KMT5B: variants seen among roughly 807,000 people sequenced by gnomAD.
KMT5B encodes histone-lysine N-methyltransferase KMT5B.
KMT5B carries 10 observed loss-of-function variants against 83.2 expected under a neutral mutation model. That is an observed-to-expected ratio of 0.12 (90% CI 0.07 to 0.20). KMT5B has a LOEUF of 0.20. Among genes scored for constraint, KMT5B ranks in the 10% least tolerant of loss-of-function variants. The pLI is 1.00. For missense variants in KMT5B, 753 were observed against 1,067.2 expected, an observed-to-expected ratio of 0.71 and a Z score of 4.10; for synonymous variants, 349 against 388.8, an observed-to-expected ratio of 0.90 and a Z score of 1.20.
intron 9 of KMT5B, among the ~76,000 whole-genome samples, chr11:68,167,600 G>T (rs1590943289): frequency 6.6e-6 from 1 of 151,980 alleles, no homozygotes; most frequent in East Asian, 1.9e-4. Context: ...GACCATAAGC[G>T]TGTAGCACCA....
At chr11:68,194,255 G>C (rs184481191) in intron 1 of KMT5B, among the ~76,000 whole-genome samples, 3 of 145,370 alleles carry the variant, frequency 2.1e-5, no homozygotes, top group Non-Finnish European at 4.5e-5. Flanking sequence ...CAGTGTCCAC[G>C]ATCTTGGCTC....
chr11:68,182,883 T>C (rs555966360), intron 3 of KMT5B, among the ~76,000 whole-genome samples: 2 of 151,950 alleles, frequency 1.3e-5, no homozygotes, highest in East Asian at 3.9e-4. Context: ...AGTACAGGCA[T>C]GTGCCACCAC....
chr11:68,193,845 G>A (rs1181217516), intron 1 of KMT5B, among the ~76,000 whole-genome samples: 1 of 151,218 alleles, frequency 6.6e-6, no homozygotes, highest in Non-Finnish European at 1.5e-5. Context: ...CTGTCACCCA[G>A]GTTGGAGTGC....
intron 1 of KMT5B, among the ~76,000 whole-genome samples, chr11:68,211,214 C>T (rs1860848320): frequency 6.6e-6 from 1 of 152,216 alleles, no homozygotes; most frequent in Non-Finnish European, 1.5e-5. Flanking sequence ...TTCCTTCACA[C>T]GCGTCTCTCC....
chr11:68,201,973 C>CA, intron 1 of KMT5B, among the ~76,000 whole-genome samples: 1 of 151,510 alleles, frequency 6.6e-6, no homozygotes, highest in Non-Finnish European at 1.5e-5. Flanking sequence ...CTTGTAGTCC[C>CA]AGGTACTCAG....
At chr11:68,179,649 A>G in intron 4 of KMT5B, 1 of 1,218,076 alleles carries the variant, frequency 8.2e-7, no homozygotes, top group South Asian at 1.5e-5. Context: ...GGGGAACAGA[A>G]AAAAGGGAGA....
chr11:68,168,032 C>T (rs1311187180), intron 9 of KMT5B, among the ~76,000 whole-genome samples: 1 of 152,026 alleles, frequency 6.6e-6, no homozygotes, highest in African/African-American at 2.4e-5. Flanking sequence ...AAAAATTAGC[C>T]CGGCGTGATG....
At chr11:68,179,724 G>T (rs1424504658) in intron 4 of KMT5B, 3 of 893,956 alleles carry the variant, frequency 3.4e-6, no homozygotes, top group Non-Finnish European at 4.3e-6. Context: ...AAACCATGAG[G>T]CAACATAGTG....
At chr11:68,168,314 T>C (rs1855510629) in intron 9 of KMT5B, among the ~76,000 whole-genome samples, 1 of 152,042 alleles carries the variant, frequency 6.6e-6, no homozygotes, top group Non-Finnish European at 1.5e-5. Context: ...CCTATAAGCT[T>C]ATAGGAGCTT....
At position 68,190,098 on chromosome 11, in the gene KMT5B, G is replaced by A; in HGVS notation, c.-22C>T. The A allele has an allele frequency of 6.2e-7, 1 of 1,609,016 alleles. No homozygotes were observed. Among genetic ancestry groups the A allele is most frequent in the Non-Finnish European group, 8.5e-7 (1 of 1,176,856 alleles). ...TCATACCCACAGACAGCCTGACCCA[G>A]GTGCATTTAGTCACTCTCTTCAAAT... On this transcript the variant is annotated 5_prime_UTR_variant, in exon 2 of 11. Coordinates refer to ENST00000304363, the MANE Select transcript of KMT5B (RefSeq NM_017635.5).
chr11:68,189,178 C>T lies in KMT5B; in HGVS notation c.160+739G>A, dbSNP rs1320137515. 4.6e-5 allele frequency among the ~76,000 whole-genome samples: 7 copies of T among 152,190 alleles called. No individual in the cohort carries two copies. In the South Asian group the frequency reaches 8.3e-4, roughly 18 times the overall value. On this transcript the variant is annotated intron_variant, in intron 2 of 10. Coordinates refer to ENST00000304363, the MANE Select transcript of KMT5B (RefSeq NM_017635.5). ...GGATATTCAAAGGTGGCTAGATTCA[C>T]GTTAGAAAAAGAAGAAAAGCTGTCC...
At chr11:68,170,434 G>A (rs139374761) in intron 9 of KMT5B, among the ~76,000 whole-genome samples, 16 of 152,172 alleles carry the variant, frequency 1.1e-4, no homozygotes, top group South Asian at 2.1e-4. Flanking sequence ...AGCCTGTGAC[G>A]CTCCCTTCAT....
At chr11:68,185,497 C>A in intron 3 of KMT5B, among the ~76,000 whole-genome samples, 1 of 152,198 alleles carries the variant, frequency 6.6e-6, no homozygotes, top group East Asian at 1.9e-4. Flanking sequence ...CGTGAGCCAC[C>A]ATGCCTGGCA....
At chr11:68,212,258 A>T (rs1276477263) in intron 1 of KMT5B, among the ~76,000 whole-genome samples, 1 of 152,236 alleles carries the variant, frequency 6.6e-6, no homozygotes, top group Non-Finnish European at 1.5e-5. Context: ...AAAGGTCCAC[A>T]TCACAAAGAA....
chr11:68,207,245 T>C (rs1860243107), intron 1 of KMT5B, among the ~76,000 whole-genome samples: 1 of 151,262 alleles, frequency 6.6e-6, no homozygotes, highest in Admixed American at 6.6e-5. Context: ...CCAAGCTACA[T>C]CTCCCATCCT....
At chr11:68,165,999 G>A in intron 10 of KMT5B, 1 of 1,612,376 alleles carries the variant, frequency 6.2e-7, no homozygotes, top group Non-Finnish European at 8.5e-7. Flanking sequence ...CTGAAAGTAG[G>A]GAGAAGAACC....
chr11:68,165,706 CAG>C (rs1273396148), intron 10 of KMT5B: 9 of 1,365,604 alleles, frequency 6.6e-6, no homozygotes, highest in Non-Finnish European at 9.5e-7. Context: ...GAACCAGACT[CAG>C]AAAACAAATG....
rs889740564 is a variant in KMT5B, at chr11:68,158,828, G to C, written c.1518C>G (p.Ser506Arg). The change falls in exon 11 of 11, where the codon AGC becomes AGG. Residue 506 changes from serine to arginine, a missense_variant. By Grantham distance (110) the Ser-to-Arg change is moderately radical (BLOSUM62 -1). Around this residue, in one of 9 missense-constraint regions of KMT5B, gnomAD observed 397 missense variants for 395.9 expected, o/e 1.00. Transcript: ENST00000304363. ...PEGPAQAAVA[S>R]GCLTRHAARE... ...TCGCCGCGTGTCTAGTCAAGCACCC[G>C]CTGGCAACTGCGGCTTGGGCTGGTC... 1 of 1,614,124 alleles carries C rather than the reference G, an allele frequency of 6.2e-7. No individual in the cohort carries two copies. The highest frequency in any genetic ancestry group is 8.5e-7 in the Non-Finnish European group (1 of 1,180,044).
intron 1 of KMT5B, among the ~76,000 whole-genome samples, chr11:68,198,803 C>T (rs866724525): frequency 2.6e-5 from 4 of 152,304 alleles, no homozygotes; most frequent in South Asian, 4.1e-4. Flanking sequence ...GATCTTGGCT[C>T]ACTGCAACCT....
Sources: allele counts gnomAD v4.1 joint callset (sites outside exome capture counted in the v4.1 genomes callset), GRCh38; gene constraint gnomAD v4.1.1; regional missense constraint gnomAD v4.1.1; transcripts MANE v1.5; gene names NCBI Gene and HGNC (gene_info 2026-07-23, HGNC 2026-07-21).